Variants in PFDN2 observed in about 807,000 individuals in gnomAD.
The protein encoded by PFDN2 is prefoldin subunit 2.
Under a neutral mutation model 18.3 loss-of-function variants are expected in PFDN2, and 7 were observed. That is an observed-to-expected ratio of 0.38 (90% CI 0.22 to 0.72). PFDN2 has a LOEUF of 0.72. Ranked by LOEUF, PFDN2 falls within the 30% of genes least tolerant of loss-of-function variation. PFDN2 has a pLI of 0.47. For missense variants in PFDN2, 181 were observed against 199.1 expected, an observed-to-expected ratio of 0.91 and a Z score of 0.55; for synonymous variants, 76 against 75.0, an observed-to-expected ratio of 1.01 and a Z score of -0.07.
rs950067642 is a variant in PFDN2, at chr1:161,117,968, G to T, written c.59C>A (p.Ala20Glu). 6.2e-7 allele frequency: 1 copy of T among 1,612,394 alleles called. No homozygotes were observed. Among genetic ancestry groups the T allele is most frequent in the African/African-American group, 1.3e-5 (1 of 74,976 alleles). Residue 20 changes from alanine (A) to glutamate (E), a missense_variant, in exon 1 of 4, where the codon GCG becomes GAG. By Grantham distance (107) the Ala-to-Glu change is moderately radical. Transcript: ENST00000368010. ...ACTCCTCACCTGCTCTGCGGACACC[G>T]CCCCCTTCCCCGCGCCGCTCCCGCT... ...KSSGSGAGKG[A>E]VSAEQVIAGF...
chr1:161,111,122 T>A (rs184612057), intron 1 of PFDN2, among the ~76,000 whole-genome samples: 4 of 151,926 alleles, frequency 2.6e-5, no homozygotes, highest in Non-Finnish European at 4.4e-5. Flanking sequence ...TTACAGGTGT[T>A]AGCCACTGCG....
At chr1:161,102,421 C>CA (rs759986557) in intron 1 of PFDN2, 46 bp from the exon 2 acceptor site, 9 of 1,444,630 alleles carry the variant, frequency 6.2e-6, no homozygotes, top group Non-Finnish European at 7.8e-6. Context: ...GTGGAAATGG[C>CA]AGAGGGTCCA....
chr1:161,103,683 C>CAAAAAAAAAAAAAAA (rs553472563), intron 1 of PFDN2, among the ~76,000 whole-genome samples: 13 of 74,918 alleles, frequency 1.7e-4, no homozygotes, highest in South Asian at 5.7e-4. Context: ...GACTCCGTCT[C>CAAAAAAAAAAAAAAA]AAAAAAAAAA....
intron 1 of PFDN2, among the ~76,000 whole-genome samples, chr1:161,106,063 G>GT (rs1654670665): frequency 1.3e-5 from 2 of 151,312 alleles, no homozygotes; most frequent in African/African-American, 2.4e-5. Flanking sequence ...GAATGACTTG[G>GT]TTGCCATCCC....
intron 1 of PFDN2, among the ~76,000 whole-genome samples, chr1:161,103,703 A>AAAAAAAG (rs1260172911): frequency 6.9e-5 from 10 of 145,722 alleles, no homozygotes; most frequent in Non-Finnish European, 1.5e-5. Context: ...AAAAAAAAAA[A>AAAAAAAG]AAAAAAAAAA....
chr1:161,115,852 C>G (rs936918729), intron 1 of PFDN2, among the ~76,000 whole-genome samples: 1 of 152,140 alleles, frequency 6.6e-6, no homozygotes, highest in African/African-American at 2.4e-5. Context: ...TGGAATATGT[C>G]CCCCTCAGAT....
At chr1:161,100,983 A>G (rs1654544336) in intron 3 of PFDN2, 124 bp from the exon 4 acceptor site, 2 of 644,170 alleles carry the variant, frequency 3.1e-6, no homozygotes, top group South Asian at 4.4e-5. Flanking sequence ...AGAGGAGCCC[A>G]GACATTAAAA....
chr1:161,113,627 A>G (rs1654851256), intron 1 of PFDN2, among the ~76,000 whole-genome samples: 1 of 152,174 alleles, frequency 6.6e-6, no homozygotes. Flanking sequence ...CAAGAAATAC[A>G]AAAATTAGCT....
intron 1 of PFDN2, among the ~76,000 whole-genome samples, chr1:161,106,066 G>A (rs1225733622): frequency 6.6e-6 from 1 of 151,194 alleles, no homozygotes. Context: ...TGACTTGGTT[G>A]CCATCCCCTT....
At chr1:161,106,566 G>A (rs1571184462) in intron 1 of PFDN2, among the ~76,000 whole-genome samples, 1 of 152,114 alleles carries the variant, frequency 6.6e-6, no homozygotes, top group South Asian at 2.1e-4. Context: ...AGCACAGATT[G>A]ACACATCAGT....
At chr1:161,109,947 G>A (rs997552598) in intron 1 of PFDN2, among the ~76,000 whole-genome samples, 5 of 151,900 alleles carry the variant, frequency 3.3e-5, no homozygotes, top group African/African-American at 9.7e-5. Flanking sequence ...CCAGTTACTC[G>A]GGAGGCTGAG....
chr1:161,111,839 T>C (rs1654815963), intron 1 of PFDN2, among the ~76,000 whole-genome samples: 1 of 152,242 alleles, frequency 6.6e-6, no homozygotes, highest in Non-Finnish European at 1.5e-5. Flanking sequence ...TATTGATTCA[T>C]AATCATATTT....
In PFDN2 at chr1:161,115,792, A is replaced by G. The variant is rs531203492; in HGVS notation, c.75+2160T>C. Among the ~76,000 whole-genome samples the G allele has an allele frequency of 1.0e-3, 152 of 152,352 alleles. 1 individual carries two copies. The highest frequency in any genetic ancestry group is 3.4e-3 in the African/African-American group (141 of 41,590). On this transcript the variant is annotated intron_variant, in intron 1 of 3. Coordinates refer to ENST00000368010, the MANE Select transcript of PFDN2 (RefSeq NM_012394.4). ...TTAGACTTTATCATAGGTATGAGAA[A>G]AAACATAGAGTTCAATACTATCCCA...
intron 1 of PFDN2, 66 bp downstream of exon 1, chr1:161,117,886 G>C: frequency 7.3e-7 from 1 of 1,373,022 alleles, no homozygotes; most frequent in Admixed American, 2.0e-5. Flanking sequence ...CAAGCCACAG[G>C]CTCCCCCTTC....
At position 161,115,887 on chromosome 1, in the gene PFDN2, C is replaced by T. The variant is rs184529833; in HGVS notation, c.75+2065G>A. ...TAAGGGGGAGCTACAGTATCTGTATCGCTGTACCCAGCAGAGTGCTTGGCC... is the reference window on the plus strand; with the variant it reads ...TAAGGGGGAGCTACAGTATCTGTATTGCTGTACCCAGCAGAGTGCTTGGCC... On this transcript the variant is annotated intron_variant, in intron 1 of 3. Coordinates refer to ENST00000368010, the MANE Select transcript of PFDN2 (RefSeq NM_012394.4). Among the ~76,000 whole-genome samples the T allele has an allele frequency of 2.4e-3, 362 of 152,240 alleles. 1 individual carries two copies. The highest frequency in any genetic ancestry group is 4.1e-3 in the Non-Finnish European group (279 of 68,010).
intron 1 of PFDN2, among the ~76,000 whole-genome samples, chr1:161,110,355 C>T (rs1244356144): frequency 1.3e-5 from 2 of 151,918 alleles, no homozygotes; most frequent in South Asian, 2.1e-4. Context: ...AGCAAGGCTC[C>T]GTCTCCAAAA....
chr1:161,103,903 T>G (rs913456529), intron 1 of PFDN2, among the ~76,000 whole-genome samples: 1 of 152,110 alleles, frequency 6.6e-6, no homozygotes. Flanking sequence ...TGCTACTTTA[T>G]TGGCTCTATG....
intron 1 of PFDN2, among the ~76,000 whole-genome samples, chr1:161,109,983 G>A (rs901010968): frequency 1.3e-5 from 2 of 152,074 alleles, no homozygotes; most frequent in African/African-American, 4.8e-5. Flanking sequence ...GAACCTGGGA[G>A]GCGGAAGTTG....
In PFDN2 at chr1:161,102,090, A is replaced by G. The variant is rs764804981; in HGVS notation, c.246T>C (p.Thr82=). 5.6e-6 allele frequency: 9 copies of G among 1,614,208 alleles called. No individual in the cohort carries two copies. The highest frequency in any genetic ancestry group is 7.6e-6 in the Non-Finnish European group (9 of 1,180,024). The change falls in exon 3 of 4, where the codon ACT becomes ACC. Residue 82 remains threonine, a synonymous_variant. Transcript: ENST00000368010. ...CCAAAGCGGGCAGCACCTCTTTGACAGTTCGCTCCACCAGCACTCCTCCAA... is the reference window on the plus strand; with the variant it reads ...CCAAAGCGGGCAGCACCTCTTTGACGGTTCGCTCCACCAGCACTCCTCCAA... ...RMVGGVLVER[T]VKEVLPALEN...
Sources: allele counts gnomAD v4.1 joint callset (sites outside exome capture counted in the v4.1 genomes callset), GRCh38; gene constraint gnomAD v4.1.1; transcripts MANE v1.5; gene names NCBI Gene and HGNC (gene_info 2026-07-23, HGNC 2026-07-21).